Variants in C3orf18 observed in about 807,000 individuals in gnomAD.
C3orf18 encodes the protein chromosome 3 open reading frame 18.
A neutral mutation model predicts 14.1 loss-of-function variants in C3orf18; 12 were observed. The ratio of observed to expected loss-of-function variants is 0.85; its 90% CI spans 0.55 to 1.38. C3orf18 has a LOEUF of 1.38. Among genes scored for constraint, C3orf18 ranks in the 40% most tolerant of loss-of-function variants. C3orf18 has a pLI of 0.00. For missense variants in C3orf18, 196 were observed against 213.9 expected (o/e 0.92, Z 0.52); for synonymous variants, 82 against 87.9 (o/e 0.93, Z 0.38).
intron 5 of C3orf18, 133 bp downstream of exon 5, chr3:50,560,784 A>T: frequency 9.9e-7 from 1 of 1,005,460 alleles, no homozygotes; most frequent in Non-Finnish European, 1.4e-6. Context: ...ACAAATCTGG[A>T]AAAAGCCGTA....
upstream of C3orf18, chr3:50,567,767 T>A (rs1414873319): frequency 1.3e-5 from 2 of 152,378 alleles, no homozygotes; most frequent in Non-Finnish European, 2.9e-5. Flanking sequence ...CCCTGCACGC[T>A]CCGCGCCCCC....
Position 50,558,799 on chromosome 3 carries a change from A to G in C3orf18, c.*858T>C, listed in dbSNP as rs1699796481. The G allele has an allele frequency of 7.8e-7, 1 of 1,289,716 alleles. No individual in the cohort carries two copies. Among genetic ancestry groups the G allele is most frequent in the African/African-American group, 1.5e-5 (1 of 65,864 alleles). 79.9% of individuals were successfully genotyped at this position (1,289,716 alleles called of 1,614,324 possible). ...AGATTGAAGGCAGAGAAGATAGCCTACCCTGATGCTCCACTACATACCATG... is the reference window on the plus strand; with the variant it reads ...AGATTGAAGGCAGAGAAGATAGCCTGCCCTGATGCTCCACTACATACCATG... On this transcript the variant is annotated 3_prime_UTR_variant, in exon 6 of 6. Transcript: ENST00000357203.
chr3:50,564,402 C>T (rs912218125), intron 3 of C3orf18, among the ~76,000 whole-genome samples: 1 of 152,192 alleles, frequency 6.6e-6, no homozygotes, highest in Non-Finnish European at 1.5e-5. Context: ...AGGATACCTG[C>T]AGCCCTCTCC....
upstream of C3orf18, chr3:50,571,317 C>G: frequency 6.3e-7 from 1 of 1,594,220 alleles, no homozygotes; most frequent in Non-Finnish European, 8.6e-7. Flanking sequence ...TGGCTCATGT[C>G]CTTGGAGCCA....
chr3:50,559,777 AG>A, intron 5 of C3orf18, 40 bp from the exon 6 acceptor site: 1 of 1,414,618 alleles, frequency 7.1e-7, no homozygotes, highest in Admixed American at 2.1e-5. Flanking sequence ...ACCATGGGCA[AG>A]GCCATGCACT....
At chr3:50,561,369 C>CT (rs1699956953) in intron 4 of C3orf18, among the ~76,000 whole-genome samples, 1 of 152,204 alleles carries the variant, frequency 6.6e-6, no homozygotes, top group Non-Finnish European at 1.5e-5. Context: ...TCCACAGCGT[C>CT]TGAGTCTCAG....
At chr3:50,571,767 T>G, upstream of C3orf18, 1 of 1,614,138 alleles carries the variant, frequency 6.2e-7, no homozygotes, top group Non-Finnish European at 8.5e-7. Context: ...GCAACTACAG[T>G]GTATCCGGGA....
Position 50,565,477 on chromosome 3 carries a change from C to A in C3orf18, c.223G>T (p.Ala75Ser). The change falls in exon 3 of 6, where the codon GCT (alanine) becomes TCT (serine). Residue 75 changes from alanine (A) to serine (S), a missense_variant. Ala to Ser is a moderately conservative substitution (Grantham distance 99, BLOSUM62 1). Transcript: ENST00000357203. The surrounding 1 kb of genome is among the most constrained non-coding windows in gnomAD (Gnocchi z 4.4). ...ACCCCAGCTCTCACCAAGGCCACAG[C>A]CAGGCCTATCACCGTGATGATCCCA... ...SFGIITVIGL[A>S]VALVLYIRKK... is the part of the protein sequence containing the mutation. 1 of 1,613,548 alleles carries A rather than the reference C, an allele frequency of 6.2e-7. No individual in the cohort carries two copies. The highest frequency in any genetic ancestry group is 1.1e-5 in the South Asian group (1 of 91,060).
rs1699935514 is a variant in C3orf18 at position 50,561,060 on chromosome 3, C to T, written c.265G>A (p.Glu89Lys). 8 of 1,613,788 alleles carry T rather than the reference C, an allele frequency of 5.0e-6. No homozygotes were observed. Among genetic ancestry groups the T allele is most frequent in the Non-Finnish European group, 6.8e-6 (8 of 1,179,786 alleles). ...GGCATGAGCTGGTGGCGTAGCTTCT[C>T]CAGCCTGGGGATGGGGGCAAAGGCT... The part of the protein sequence containing the change: ...VLYIRKKKRL[E>K]KLRHQLMPMY... Residue 89 changes from glutamate (E) to lysine (K), a missense_variant, in exon 5 of 6, where the codon GAG (glutamate) becomes AAG (lysine). Transcript: ENST00000357203.
chr3:50,565,897 A>AC lies in C3orf18; in HGVS notation c.-162-37dup. 1.7e-6 allele frequency: 1 copy of AC among 590,312 alleles called. No homozygotes were observed. Among genetic ancestry groups the AC allele is most frequent in the Non-Finnish European group, 3.0e-6 (1 of 330,832 alleles). The allele number at this position is 590,312 out of a possible 1,614,324, so 36.6% of individuals were successfully genotyped here. On this transcript the variant is annotated intron_variant, in intron 2 of 5. Coordinates refer to ENST00000357203, the MANE Select transcript of C3orf18 (RefSeq NM_016210.5). This position sits in a 1 kb window ranked among gnomAD's most constrained non-coding sequence, Gnocchi z 4.4. ...AAGAATAAGAAACATGAGGCTAAGG[A>AC]CAGGGGCTCAGTAGTGAGATGAAGT... is the stretch of plus-strand genomic sequence containing the variant.
At chr3:50,572,315 G>C (rs747277376), upstream of C3orf18, 2 of 1,152,218 alleles carry the variant, frequency 1.7e-6, no homozygotes, top group Non-Finnish European at 2.5e-6. Context: ...ATGACTTCAG[G>C]GACAGTGCCT....
intron 3 of C3orf18, among the ~76,000 whole-genome samples, chr3:50,562,091 G>A (rs543520194): frequency 2.0e-5 from 3 of 152,252 alleles, no homozygotes; most frequent in African/African-American, 7.2e-5. Context: ...GTAGAGATGG[G>A]GTTTTACCAT....
At position 50,558,907 on chromosome 3, in the gene C3orf18, A is replaced by G. The variant is rs533906946; in HGVS notation, c.*750T>C. 182 of 1,289,372 alleles carry G rather than the reference A, an allele frequency of 1.4e-4. No individual in the cohort carries two copies. In the African/African-American group the frequency reaches 2.6e-3, roughly 19 times the overall value. The allele number at this position is 1,289,372 out of a possible 1,614,324, so 79.9% of individuals were successfully genotyped here. A position where few individuals can be genotyped will look rare whatever the true frequency, so the allele number is the denominator to read the frequency against. ...TGCTGGGACAGGCACATGTCTGCCC[A>G]TGGGCACACTCATGCACATGCATGA... On this transcript the variant is annotated 3_prime_UTR_variant, in exon 6 of 6. Coordinates refer to ENST00000357203, the MANE Select transcript of C3orf18 (RefSeq NM_016210.5).
Position 50,558,744 on chromosome 3 carries a change from G to A in C3orf18, c.*913C>T. 1 of 1,289,802 alleles carries A rather than the reference G, an allele frequency of 7.8e-7. No individual in the cohort carries two copies. Among genetic ancestry groups the A allele is most frequent in the Non-Finnish European group, 1.0e-6 (1 of 988,868 alleles). 79.9% of individuals were successfully genotyped at this position (1,289,802 alleles called of 1,614,324 possible). A position where few individuals can be genotyped will look rare whatever the true frequency, so the allele number is the denominator to read the frequency against. ...GCAGTGGAGAGAGGAACCGTGCTGTGCGTGCTTCCCTCTTCCCTGCAGTCC... is the reference window on the plus strand; with the variant it reads ...GCAGTGGAGAGAGGAACCGTGCTGTACGTGCTTCCCTCTTCCCTGCAGTCC... On this transcript the variant is annotated 3_prime_UTR_variant, in exon 6 of 6. Transcript: ENST00000357203.
In C3orf18 at chr3:50,559,496, A is replaced by G. The variant is rs1274993168; in HGVS notation, c.*161T>C. Reference sequence around the variant, plus strand: ...TGGCTAGGGCCCTCTCTTAGAGTCTAAAGTCAGCAGGTGGGTCTGGAGAAC... The same window carrying G: ...TGGCTAGGGCCCTCTCTTAGAGTCTGAAGTCAGCAGGTGGGTCTGGAGAAC... On this transcript the variant is annotated 3_prime_UTR_variant, in exon 6 of 6. Transcript: ENST00000357203. The G allele has an allele frequency of 7.0e-7, 1 of 1,429,536 alleles. No individual in the cohort carries two copies. Among genetic ancestry groups the G allele is most frequent in the African/African-American group, 1.4e-5 (1 of 69,378 alleles). 88.6% of individuals were successfully genotyped at this position (1,429,536 alleles called of 1,614,324 possible).
chr3:50,571,952 A>C, upstream of C3orf18: 3 of 1,326,492 alleles, frequency 2.3e-6, no homozygotes, highest in Non-Finnish European at 3.2e-6. Context: ...CGGGGTACTG[A>C]ATAGGAAGAA....
rs565467633 is a variant in C3orf18, at chr3:50,559,047, T to C, written c.*610A>G. 363 of 1,289,652 alleles carry C rather than the reference T, an allele frequency of 2.8e-4. No homozygotes were observed. Among genetic ancestry groups the C allele is most frequent in the Admixed American group, 7.8e-4 (34 of 43,536 alleles). The allele number at this position is 1,289,652 out of a possible 1,614,324, so 79.9% of individuals were successfully genotyped here. On this transcript the variant is annotated 3_prime_UTR_variant, in exon 6 of 6. Coordinates refer to ENST00000357203, the MANE Select transcript of C3orf18 (RefSeq NM_016210.5). The stretch of plus-strand genomic sequence containing the variant: ...GTAACATCTGGTTGCCAAGGATGGG[T>C]GGCTGGGAGACCTCCTGGACCCTCC...
chr3:50,570,979 A>T, upstream of C3orf18: 1 of 653,252 alleles, frequency 1.5e-6, no homozygotes. Flanking sequence ...GGGGCACCAG[A>T]GCTTGTGACC....
In C3orf18 at chr3:50,561,741, A is replaced by G. The variant is rs768066654; in HGVS notation, c.241T>C (p.Tyr81His). 28 of 1,613,618 alleles carry G rather than the reference A, an allele frequency of 1.7e-5. No individual in the cohort carries two copies. Among genetic ancestry groups the G allele is most frequent in the Non-Finnish European group, 5.9e-6 (7 of 1,180,000 alleles). The change falls in exon 4 of 6, where the codon TAC (tyrosine) becomes CAC (histidine). Residue 81 changes from tyrosine to histidine, a missense_variant. Physicochemically the swap from Tyr to His is moderately conservative, Grantham distance 83. Coordinates refer to ENST00000357203, the MANE Select transcript of C3orf18 (RefSeq NM_016210.5). ...AATTACCTCTTCTTCTTCCTGATGT[A>G]CAAAACCTGCAAGAGAAGGAGCAGC... is the stretch of plus-strand genomic sequence containing the variant. Reference protein sequence around the residue: ...VIGLAVALVLYIRKKKRLEKL... With the variant: ...VIGLAVALVLHIRKKKRLEKL...
Sources: allele counts gnomAD v4.1 joint callset (sites outside exome capture counted in the v4.1 genomes callset), GRCh38; gene constraint gnomAD v4.1.1; non-coding constraint Gnocchi (gnomAD v3.1); transcripts MANE v1.5; gene names NCBI Gene and HGNC (gene_info 2026-07-23, HGNC 2026-07-21).